The following SORCS1 variants were observed in gnomAD, a reference collection of about 807,000 sequenced individuals.
SORCS1 encodes sortilin related VPS10 domain containing receptor 1.
In SORCS1, 60 loss-of-function variants were observed where a neutral mutation model predicts 146.1. That is an observed-to-expected ratio of 0.41 (90% CI 0.33 to 0.51). The LOEUF (loss-of-function observed/expected upper bound fraction) is 0.51. Among genes scored for constraint, SORCS1 ranks in the 20% least tolerant of loss-of-function variants. The probability of loss-of-function intolerance (pLI) is 0.21; values close to 1 mark genes in which losing one functional copy is unlikely to be tolerated. For synonymous variants in SORCS1, 637 were observed against 584.0 expected (o/e 1.09, Z -1.31); for missense variants, 1,352 against 1,487.6 (o/e 0.91, Z 1.50).
chr10:106,631,166 A>G (rs764538511), intron 18 of SORCS1, among the ~76,000 whole-genome samples: 6 of 152,144 alleles, frequency 3.9e-5, no homozygotes, highest in Non-Finnish European at 8.8e-5. Flanking sequence ...TGTGTGACCT[A>G]CTCCTCTGCT....
In SORCS1 at chr10:106,810,104, C is replaced by T. The variant is rs374208879; in HGVS notation, c.726+19470G>A. ...AGTGTCGTGGCACGCGCCTGTAGTC[C>T]CAACTACCTGGGAGGCTGAGGCAGG... On this transcript the variant is annotated intron_variant, in intron 3 of 25. Transcript: ENST00000263054. 1.6e-4 allele frequency among the ~76,000 whole-genome samples: 24 copies of T among 152,234 alleles called. 2 individuals carry two copies. The highest frequency in any genetic ancestry group is 5.1e-4 in the African/African-American group (21 of 41,538).
chr10:106,988,921 G>A (rs538182129), intron 1 of SORCS1, among the ~76,000 whole-genome samples: 2 of 151,986 alleles, frequency 1.3e-5, no homozygotes, highest in African/African-American at 2.4e-5. Context: ...AGGATCAAAC[G>A]TCCCTAGGAG....
chr10:106,877,934 T>C (rs926981565), intron 2 of SORCS1, among the ~76,000 whole-genome samples: 2 of 152,180 alleles, frequency 1.3e-5, no homozygotes, highest in Non-Finnish European at 2.9e-5. Context: ...TAAGGAGGGT[T>C]CCAAATGTCA....
rs527897452 is a variant in SORCS1 at position 106,733,111 on chromosome 10, AAAAAGAAAAGAAAAG to A, written c.960-3012_960-2998del. ...CGACAAAGTGATACTCCATTTCAAA[AAAAAGAAAAGAAAAG>A]AAAAGAAAAGAAAAGAAAAAGAAAA... is the stretch of plus-strand genomic sequence containing the variant. On this transcript the variant is annotated intron_variant, in intron 5 of 25. Coordinates refer to ENST00000263054, the MANE Select transcript of SORCS1 (RefSeq NM_052918.5). Among the ~76,000 whole-genome samples the A allele has an allele frequency of 7.7e-4, 114 of 148,086 alleles. 3 individuals carry two copies. The highest frequency in any genetic ancestry group is 1.1e-3 in the African/African-American group (43 of 39,768).
At chr10:107,102,105 T>C (rs1565044844) in intron 1 of SORCS1, among the ~76,000 whole-genome samples, 1 of 152,320 alleles carries the variant, frequency 6.6e-6, no homozygotes, top group South Asian at 2.1e-4. Flanking sequence ...CCCTAATGAC[T>C]AGCATAATGC....
intron 17 of SORCS1, among the ~76,000 whole-genome samples, chr10:106,661,222 C>T (rs560205941): frequency 1.3e-5 from 2 of 152,244 alleles, no homozygotes; most frequent in African/African-American, 4.8e-5. Context: ...TATTTCGGCA[C>T]TAACATGAAA....
chr10:106,688,612 G>A (rs1290209013), intron 9 of SORCS1, among the ~76,000 whole-genome samples: 3 of 152,222 alleles, frequency 2.0e-5, no homozygotes, highest in Non-Finnish European at 4.4e-5. Context: ...ACAGGAGCCC[G>A]CAGTTGCCAA....
At chr10:106,930,063 G>A (rs551649954) in intron 2 of SORCS1, among the ~76,000 whole-genome samples, 6 of 152,186 alleles carry the variant, frequency 3.9e-5, no homozygotes, top group South Asian at 2.1e-4. Context: ...TGGCTAACAC[G>A]GTGATGAGAC....
At chr10:106,995,828 G>A (rs1956969689) in intron 1 of SORCS1, among the ~76,000 whole-genome samples, 1 of 151,962 alleles carries the variant, frequency 6.6e-6, no homozygotes. Flanking sequence ...GGCATAAAAA[G>A]GATTTGGGTC....
intron 1 of SORCS1, among the ~76,000 whole-genome samples, chr10:107,032,497 T>C (rs1958705043): frequency 6.6e-6 from 1 of 152,176 alleles, no homozygotes; most frequent in Non-Finnish European, 1.5e-5. Flanking sequence ...TGTTTTCTGT[T>C]AGTTACAGAA....
At chr10:106,874,287 CACTT>C (rs1216383642) in intron 2 of SORCS1, among the ~76,000 whole-genome samples, 1 of 152,086 alleles carries the variant, frequency 6.6e-6, no homozygotes, top group South Asian at 2.1e-4. Context: ...CTTTAGAAGT[CACTT>C]ACAAGTCAAA....
intron 20 of SORCS1, among the ~76,000 whole-genome samples, chr10:106,619,908 G>A (rs1847625110): frequency 6.6e-6 from 1 of 152,210 alleles, no homozygotes; most frequent in Non-Finnish European, 1.5e-5. Flanking sequence ...TTTAGGGTAA[G>A]AAGGCCATTG....
At chr10:106,707,802 C>T (rs183012811) in intron 7 of SORCS1, among the ~76,000 whole-genome samples, 2 of 152,212 alleles carry the variant, frequency 1.3e-5, no homozygotes, top group Admixed American at 1.3e-4. Context: ...GGCACCACCA[C>T]GTCTCTCTCT....
intron 1 of SORCS1, among the ~76,000 whole-genome samples, chr10:107,125,539 C>A (rs1433065812): frequency 3.3e-5 from 5 of 152,188 alleles, no homozygotes; most frequent in African/African-American, 1.2e-4. Flanking sequence ...TTTTTGCATA[C>A]AGAAGACATT....
chr10:106,583,628 C>T (rs1391105970), intron 24 of SORCS1, among the ~76,000 whole-genome samples: 1 of 152,032 alleles, frequency 6.6e-6, no homozygotes, highest in Non-Finnish European at 1.5e-5. Context: ...CTCAGCCTCT[C>T]GAGTAGCTGA....
At chr10:106,706,339 A>G (rs12217390) in intron 8 of SORCS1, among the ~76,000 whole-genome samples, 2 of 150,890 alleles carry the variant, frequency 1.3e-5, no homozygotes, top group Non-Finnish European at 3.0e-5. Flanking sequence ...GAGAGAGAGA[A>G]AGGAAGGGAG....
intron 1 of SORCS1, among the ~76,000 whole-genome samples, chr10:107,084,487 G>C (rs983914095): frequency 6.6e-6 from 1 of 151,978 alleles, no homozygotes; most frequent in African/African-American, 2.4e-5. Context: ...TATGTATAAA[G>C]ACTGCAGATG....
At chr10:107,098,651 C>T (rs1357215812) in intron 1 of SORCS1, among the ~76,000 whole-genome samples, 1 of 152,150 alleles carries the variant, frequency 6.6e-6, no homozygotes, top group Non-Finnish European at 1.5e-5. Context: ...GCCTTTGTGG[C>T]ATAACTTCTA....
intron 11 of SORCS1, 137 bp from the exon 12 acceptor site, chr10:106,679,469 T>G (rs1852279309): frequency 1.1e-6 from 1 of 941,986 alleles, no homozygotes; most frequent in Non-Finnish European, 1.6e-6. Context: ...CAGACTTGCT[T>G]CAGGTCCAAT....
Sources: allele counts gnomAD v4.1 joint callset (sites outside exome capture counted in the v4.1 genomes callset), GRCh38; gene constraint gnomAD v4.1.1; transcripts MANE v1.5; gene names NCBI Gene and HGNC (gene_info 2026-07-23, HGNC 2026-07-21).